REV1: variants seen among roughly 807,000 people sequenced by gnomAD.
REV1 encodes the protein translesion synthesis protein REV1.
In REV1, 42 loss-of-function variants were observed where a neutral mutation model predicts 137.4. That is an observed-to-expected ratio of 0.31 (90% CI 0.24 to 0.40). The LOEUF (loss-of-function observed/expected upper bound fraction) is 0.40. REV1 is among the 10% of genes least tolerant of loss of function. The probability of loss-of-function intolerance (pLI) is 1.00; values close to 1 mark genes in which losing one functional copy is unlikely to be tolerated. For synonymous variants in REV1, 524 were observed against 519.2 expected (o/e 1.01, Z -0.12); for missense variants, 1,282 against 1,490.1 (o/e 0.86, Z 2.30).
rs1024855624 is a variant in REV1, at chr2:99,410,841, C to G, written c.2199G>C (p.Leu733=). Residue 733 remains leucine (L), a synonymous_variant, in exon 14 of 23, where the codon CTG becomes CTC. Transcript: ENST00000258428. ...TQPKEAEAFL[L]SLSEEIQRRL... Reference sequence around the variant, plus strand: ...TTCTTTGAATTTCTTCTGAAAGACTCAGAAGAAAAGCTTCTGCCTCTTTTG... The same window carrying G: ...TTCTTTGAATTTCTTCTGAAAGACTGAGAAGAAAAGCTTCTGCCTCTTTTG... 6.3e-7 allele frequency: 1 copy of G among 1,594,350 alleles called. No individual in the cohort carries two copies. The highest frequency in any genetic ancestry group is 8.5e-7 in the Non-Finnish European group (1 of 1,175,054).
rs1456266549 is a variant in REV1 at position 99,402,756 on chromosome 2, A to G, written c.3429T>C (p.Ser1143=). 6.2e-7 allele frequency: 1 copy of G among 1,614,226 alleles called. No homozygotes were observed. Among genetic ancestry groups the G allele is most frequent in the South Asian group, 1.1e-5 (1 of 91,090 alleles). ...CACAGCCAGCTGGGTCAGACTGCAAACTAGAAAGGCCTGGCACACCTGAAG... is the reference window on the plus strand; with the variant it reads ...CACAGCCAGCTGGGTCAGACTGCAAGCTAGAAAGGCCTGGCACACCTGAAG... The part of the protein sequence containing the change: ...ASTSGVPGLS[S]LQSDPAGCVR... Residue 1143 remains serine (S), a synonymous_variant, in exon 21 of 23, where the codon AGT becomes AGC. Transcript: ENST00000258428.
Position 99,449,325 on chromosome 2 carries a change from A to T in REV1, c.350+11T>A. The T allele has an allele frequency of 1.4e-6, 2 of 1,443,578 alleles. No individual in the cohort carries two copies. Among genetic ancestry groups the T allele is most frequent in the Non-Finnish European group, 1.8e-6 (2 of 1,082,004 alleles). 89.4% of individuals were successfully genotyped at this position (1,443,578 alleles called of 1,614,324 possible). A position where few individuals can be genotyped will look rare whatever the true frequency, so the allele number is the denominator to read the frequency against. On this transcript the variant is annotated intron_variant, in intron 4 of 22. Coordinates refer to ENST00000258428, the MANE Select transcript of REV1 (RefSeq NM_016316.4). ...AAAATTTATTAATTAAATTTAATAA[A>T]TTAAACTTACCTTTCCACAATCCAT...
Position 99,449,419 on chromosome 2 carries a change from A to T in REV1, c.267T>A (p.His89Gln). ...HVYYSRSKTT[H>Q]IIATNLPNAK... ...CATTGGGAAGATTTGTGGCAATAAT[A>T]TGTGTTGTTTTAGATCTGGAATAAT... The change falls in exon 4 of 23, where the codon CAT becomes CAA. Residue 89 changes from histidine to glutamine, a missense_variant. His to Gln is a conservative substitution (Grantham distance 24). This residue lies in a region of REV1 where 107 missense variants were observed against 164.3 expected (regional missense o/e 0.65). Transcript: ENST00000258428. 1 of 1,572,008 alleles carries T rather than the reference A, an allele frequency of 6.4e-7. No individual in the cohort carries two copies. Among genetic ancestry groups the T allele is most frequent in the Non-Finnish European group, 8.6e-7 (1 of 1,160,548 alleles).
intron 11 of REV1, 24 bp from the exon 12 acceptor site, chr2:99,418,971 A>C (rs771716845): frequency 6.4e-7 from 1 of 1,562,478 alleles, no homozygotes. Context: ...AAGTCATCCA[A>C]GAAATAGTCA....
rs570990079 is a variant in REV1 at position 99,412,657 on chromosome 2, G to A, written c.2172+74C>T. ...AATTTCAAGCATTGAGGGTCTAATG[G>A]TTTAGTTGTAGAGGTAGGACTATGT... is the stretch of plus-strand genomic sequence containing the variant. On this transcript the variant is annotated intron_variant, in intron 13 of 22. Transcript: ENST00000258428. The A allele has an allele frequency of 6.2e-6, 7 of 1,129,340 alleles. No homozygotes were observed. The South Asian group carries it at 7.7e-5, about 12-fold the overall frequency. 70.0% of individuals were successfully genotyped at this position (1,129,340 alleles called of 1,614,324 possible). A position where few individuals can be genotyped will look rare whatever the true frequency, so the allele number is the denominator to read the frequency against.
At position 99,434,360 on chromosome 2, in the gene REV1, G is replaced by A. The variant is rs914602321; in HGVS notation, c.1410C>T (p.Tyr470=). Residue 470 remains tyrosine (Y), a synonymous_variant, in exon 8 of 23, where the codon TAC becomes TAT. Transcript: ENST00000258428. The part of the protein sequence containing the change: ...GANPQLEWQY[Y]QNKILKGKAA... ...CTTTGCCTTTCAGGATTTTATTCTG[G>A]TAATACTGCCACTCCAGCTGGGGGT... is the stretch of plus-strand genomic sequence containing the variant. 1.9e-5 allele frequency: 30 copies of A among 1,608,686 alleles called. No homozygotes were observed. Among genetic ancestry groups the A allele is most frequent in the Non-Finnish European group, 2.5e-5 (30 of 1,177,756 alleles).
rs189026693 is a variant in REV1, at chr2:99,401,146, A to G, written c.*95T>C. ...CTTGCTTTAAAAGAAATTTAAAATTATAAAAACTCCGAGCATTACTATCAT... is the reference window on the plus strand; with the variant it reads ...CTTGCTTTAAAAGAAATTTAAAATTGTAAAAACTCCGAGCATTACTATCAT... On this transcript the variant is annotated 3_prime_UTR_variant, in exon 23 of 23. Transcript: ENST00000258428. The G allele has an allele frequency of 2.4e-4, 157 of 662,996 alleles. No homozygotes were observed. The East Asian group carries it at 4.0e-3, about 17-fold the overall frequency. 41.1% of individuals were successfully genotyped at this position (662,996 alleles called of 1,614,324 possible). A position where few individuals can be genotyped will look rare whatever the true frequency, so the allele number is the denominator to read the frequency against.
At chr2:99,487,573 C>T (rs1433835567) in intron 1 of REV1, among the ~76,000 whole-genome samples, 1 of 118,700 alleles carries the variant, frequency 8.4e-6, no homozygotes, top group Non-Finnish European at 1.8e-5. Flanking sequence ...TCCTGACTTG[C>T]CTTTGGAAAA....
At position 99,462,604 on chromosome 2, in the gene REV1, T is replaced by C; in HGVS notation, c.73A>G (p.Lys25Glu). The change falls in exon 3 of 23, where the codon AAG becomes GAG. Residue 25 changes from lysine (K) to glutamate (E), a missense_variant. This residue lies in a region of REV1 where 107 missense variants were observed against 164.3 expected (regional missense o/e 0.65). Coordinates refer to ENST00000258428, the MANE Select transcript of REV1 (RefSeq NM_016316.4). ...AACTGTTCCTCCAATTTCTGGACCT[T>C]GGCAGCCATATACCCACCCTAGAAT... ...WETWGGYMAA[K>E]VQKLEEQFRS... 1 of 1,613,022 alleles carries C rather than the reference T, an allele frequency of 6.2e-7. No individual in the cohort carries two copies. The highest frequency in any genetic ancestry group is 8.5e-7 in the Non-Finnish European group (1 of 1,179,786).
intron 1 of REV1, among the ~76,000 whole-genome samples, chr2:99,482,491 A>G (rs752278319): frequency 2.0e-5 from 3 of 152,328 alleles, no homozygotes; most frequent in Non-Finnish European, 4.4e-5. Flanking sequence ...TGTAGCTAAT[A>G]TAAGAAGTGA....
chr2:99,411,760 C>T (rs1366293671), intron 13 of REV1, among the ~76,000 whole-genome samples: 1 of 151,782 alleles, frequency 6.6e-6, no homozygotes, highest in Non-Finnish European at 1.5e-5. Flanking sequence ...TCTTTTGTAA[C>T]TATGTTAATA....
intron 5 of REV1, among the ~76,000 whole-genome samples, chr2:99,441,071 A>G (rs577556355): frequency 2.6e-5 from 4 of 152,362 alleles, no homozygotes; most frequent in African/African-American, 9.6e-5. Flanking sequence ...TTGAAAAAAC[A>G]TATCTATTTT....
Position 99,438,957 on chromosome 2 carries a change from G to T in REV1, c.857C>A (p.Thr286Lys). 1 of 1,614,230 alleles carries T rather than the reference G, an allele frequency of 6.2e-7. No individual in the cohort carries two copies. The highest frequency in any genetic ancestry group is 8.5e-7 in the Non-Finnish European group (1 of 1,180,034). ...TCTGTGTGGATTCCGCAAAGCATCTGTGTTTCTGGTGCTTTGCTGCAACTG... is the reference window on the plus strand; with the variant it reads ...TCTGTGTGGATTCCGCAAAGCATCTTTGTTTCTGGTGCTTTGCTGCAACTG... ...LQQLQQSTRN[T>K]DALRNPHRTN... Residue 286 changes from threonine (T) to lysine (K), a missense_variant, in exon 6 of 23, where the codon ACA becomes AAA. Coordinates refer to ENST00000258428, the MANE Select transcript of REV1 (RefSeq NM_016316.4).
intron 1 of REV1, among the ~76,000 whole-genome samples, chr2:99,486,516 G>A (rs1053819370): frequency 2.2e-5 from 3 of 137,282 alleles, no homozygotes; most frequent in Non-Finnish European, 4.6e-5. Context: ...GCGACAGAGC[G>A]AGACTCCATC....
At chr2:99,477,645 A>G (rs1052133825) in intron 1 of REV1, among the ~76,000 whole-genome samples, 3 of 152,246 alleles carry the variant, frequency 2.0e-5, no homozygotes, top group African/African-American at 4.8e-5. Flanking sequence ...GATGTACTGT[A>G]TAAAAAATAT....
intron 12 of REV1, among the ~76,000 whole-genome samples, chr2:99,416,106 C>T (rs1431887485): frequency 6.6e-6 from 1 of 152,186 alleles, no homozygotes; most frequent in African/African-American, 2.4e-5. Context: ...TTTATGGGTA[C>T]AAGGGACTAA....
Position 99,416,723 on chromosome 2 carries a change from G to A in REV1, c.1951+2105C>T, listed in dbSNP as rs543488469. 6.4e-3 allele frequency among the ~76,000 whole-genome samples: 968 copies of A among 152,020 alleles called. 8 individuals are homozygous for A. The highest frequency in any genetic ancestry group is 0.021 in the African/African-American group (856 of 41,464). On this transcript the variant is annotated intron_variant, in intron 12 of 22. Transcript: ENST00000258428. ...GGGCGGATCATGAGGTCAGGAGACC[G>A]AGACAGAGGTGAAACTCCATCTCTA...
chr2:99,486,618 C>G (rs1439516655), intron 1 of REV1, among the ~76,000 whole-genome samples: 2 of 152,150 alleles, frequency 1.3e-5, no homozygotes. Flanking sequence ...GGTATTATTA[C>G]AGTCATCCTA....
intron 3 of REV1, among the ~76,000 whole-genome samples, chr2:99,454,424 C>T (rs1344679594): frequency 6.6e-6 from 1 of 151,670 alleles, no homozygotes; most frequent in African/African-American, 2.4e-5. Context: ...GTGGCATGCG[C>T]CTGTAACTCC....
Sources: allele counts gnomAD v4.1 joint callset (sites outside exome capture counted in the v4.1 genomes callset), GRCh38; gene constraint gnomAD v4.1.1; regional missense constraint gnomAD v4.1.1; transcripts MANE v1.5; gene names NCBI Gene and HGNC (gene_info 2026-07-23, HGNC 2026-07-21).